The following NUP188 variants were observed in gnomAD, a reference collection of about 807,000 sequenced individuals.
NUP188 encodes the protein nucleoporin 188, also known as nucleoporin NUP188.
A neutral mutation model predicts 223.0 loss-of-function variants in NUP188; 97 were observed. That is an observed-to-expected ratio of 0.43 (90% CI 0.37 to 0.51). The LOEUF (loss-of-function observed/expected upper bound fraction) is 0.51, where lower values mean the gene tolerates loss of function less well. Among genes scored for constraint, NUP188 ranks in the 20% least tolerant of loss-of-function variants. The pLI is 0.00. For synonymous variants in NUP188, 869 were observed against 828.0 expected (o/e 1.05, Z -0.85); for missense variants, 1,947 against 2,175.6 (o/e 0.89, Z 2.09).
chr9:128,987,787 T>C (rs1842359620), intron 23 of NUP188, 70 bp downstream of exon 23: 7 of 1,560,018 alleles, frequency 4.5e-6, no homozygotes, highest in Non-Finnish European at 6.1e-6. Flanking sequence ...AACTCCAGTT[T>C]AAGTTAACTT....
chr9:128,996,163 T>C (rs1374707348), intron 30 of NUP188, among the ~76,000 whole-genome samples: 1 of 152,024 alleles, frequency 6.6e-6, no homozygotes, highest in African/African-American at 2.4e-5. Context: ...TTTTTTTTTT[T>C]TCTTGAGACG....
intron 12 of NUP188, among the ~76,000 whole-genome samples, chr9:128,974,813 C>T (rs1842151847): frequency 6.7e-6 from 1 of 148,442 alleles, no homozygotes; most frequent in Non-Finnish European, 1.5e-5. Flanking sequence ...GTGCAGAATA[C>T]AGTGGCGCGA....
intron 14 of NUP188, among the ~76,000 whole-genome samples, chr9:128,981,005 G>T (rs1275448769): frequency 1.3e-5 from 2 of 152,182 alleles, no homozygotes; most frequent in Non-Finnish European, 2.9e-5. Flanking sequence ...TAAGAGCCAG[G>T]TGGTACAGAG....
Position 128,988,050 on chromosome 9 carries a change from TG to T in NUP188, c.2401del (p.Ala801GlnfsTer10). The T allele has an allele frequency of 6.2e-7, 1 of 1,614,066 alleles. No individual in the cohort carries two copies. The highest frequency in any genetic ancestry group is 8.5e-7 in the Non-Finnish European group (1 of 1,179,962). On this transcript the variant is annotated frameshift_variant, in exon 24 of 44. Transcript: ENST00000372577. LOFTEE classifies it high-confidence loss of function. ...TGGTTTCCATTTGGCACCCTAGTGATGGGGCAGAGGGCCAGGGGCAGGGCCA... is the reference window on the plus strand; with the variant it reads ...TGGTTTCCATTTGGCACCCTAGTGATGGGCAGAGGGCCAGGGGCAGGGCCA... ...MVMAAQPRSD[G>X]AEGQGQGQLL...
chr9:128,982,441 G>A, intron 15 of NUP188, 108 bp from the exon 16 acceptor site: 3 of 1,027,468 alleles, frequency 2.9e-6, no homozygotes, highest in Non-Finnish European at 4.3e-6. Context: ...AAAAAAAAAT[G>A]TCTGTGAGTT....
chr9:129,001,576 C>T lies in NUP188; in HGVS notation c.3891C>T (p.Asp1297=), dbSNP rs757504917. Reference sequence around the variant, plus strand: ...TGGCCAAGGAGCTGTGTGAGGTAGACGAGGATGGTGACTCCTGGCTGCAGG... The same window carrying T: ...TGGCCAAGGAGCTGTGTGAGGTAGATGAGGATGGTGACTCCTGGCTGCAGG... ...LHLAKELCEV[D]EDGDSWLQVT... is the part of the protein sequence containing the mutation. The change falls in exon 35 of 44, where the codon GAC becomes GAT. Residue 1297 remains aspartate, a synonymous_variant. Transcript: ENST00000372577. 35 of 1,613,926 alleles carry T rather than the reference C, an allele frequency of 2.2e-5. No homozygotes were observed. In the East Asian group the frequency reaches 4.7e-4, roughly 22 times the overall value.
rs373084339 is a variant in NUP188, at chr9:128,968,692, A to G, written c.772A>G (p.Met258Val). The G allele has an allele frequency of 4.0e-5, 65 of 1,613,954 alleles. No individual in the cohort carries two copies. The highest frequency in any genetic ancestry group is 5.3e-5 in the African/African-American group (4 of 74,946). ...CAATAGGCACCTGGTGGATGAGACT[A>G]TGGATCCTTTTGTAGATCGGATTGG... Reference protein sequence around the residue: ...QTNRHLVDETMDPFVDRIGYF... With the variant: ...QTNRHLVDETVDPFVDRIGYF... The change falls in exon 9 of 44, where the codon ATG becomes GTG. Residue 258 changes from methionine to valine, a missense_variant. Around this residue, in one of 3 missense-constraint regions of NUP188, gnomAD observed 817 missense variants for 865.8 expected, o/e 0.94. Coordinates refer to ENST00000372577, the MANE Select transcript of NUP188 (RefSeq NM_015354.3).
intron 5 of NUP188, among the ~76,000 whole-genome samples, 172 bp from the exon 6 acceptor site, chr9:128,957,837 AG>A (rs886520506): frequency 1.3e-5 from 2 of 152,166 alleles, no homozygotes; most frequent in Non-Finnish European, 2.9e-5. Flanking sequence ...GGAGAAGGGG[AG>A]GGATTTGAGC....
chr9:128,998,900 A>AGG (rs1401683194), intron 32 of NUP188, among the ~76,000 whole-genome samples: 3 of 132,572 alleles, frequency 2.3e-5, no homozygotes, highest in Non-Finnish European at 4.6e-5. Context: ...TCTGTCGCCC[A>AGG]GGCTGGAGTG....
intron 22 of NUP188, among the ~76,000 whole-genome samples, chr9:128,987,088 AGTGTGTGTGT>A (rs376346210): frequency 0.023 from 2,577 of 113,284 alleles, 96 homozygotes; most frequent in African/African-American, 0.085. Context: ...AGAGAGAGAG[AGTGTGTGTGT>A]GTGTGTGTGT....
chr9:129,005,736 T>C lies in NUP188; in HGVS notation c.4829T>C (p.Leu1610Pro). 1 of 1,614,074 alleles carries C rather than the reference T, an allele frequency of 6.2e-7. No homozygotes were observed. The highest frequency in any genetic ancestry group is 8.5e-7 in the Non-Finnish European group (1 of 1,179,992). Residue 1610 changes from leucine (L) to proline (P), a missense_variant, in exon 41 of 44, where the codon CTT becomes CCT. Leu to Pro is a moderately conservative substitution (Grantham distance 98, BLOSUM62 -3). This residue lies in a region of NUP188 where 905 missense variants were observed against 990.6 expected (regional missense o/e 0.91). Transcript: ENST00000372577. The stretch of plus-strand genomic sequence containing the variant: ...GAAGTGGCCCCCTCCTTCGGGACCC[T>C]TCTGGCCACAGTGAATGTGGCCCTC... ...DSEVAPSFGT[L>P]LATVNVALNM...
intron 2 of NUP188, 42 bp from the exon 3 acceptor site, chr9:128,952,731 A>T (rs1841810371): frequency 6.3e-7 from 1 of 1,582,166 alleles, no homozygotes; most frequent in Non-Finnish European, 8.7e-7. Context: ...TCAAAAAAAA[A>T]AAAAAATACT....
In NUP188 at chr9:129,005,136, G is replaced by C. The variant is rs144956752; in HGVS notation, c.4435-11G>C. ...AAGAGAATCCGCTCATCTCTCCTGT[G>C]TCTCTCCCAGGTCAACCTGGGTTAC... On this transcript the variant is annotated splice_polypyrimidine_tract_variant and intron_variant, in intron 38 of 43. Transcript: ENST00000372577. 170 of 1,610,992 alleles carry C rather than the reference G, an allele frequency of 1.1e-4. 1 individual carries two copies. The East Asian group carries it at 1.5e-3, about 14-fold the overall frequency.
rs771907369 is a variant in NUP188, at chr9:128,982,888, G to A, written c.1670-14G>A. ...GTTGTTTGCCGTGAGGTCACAGGCT[G>A]TCTTTCTTCTCAGATGTGATTCAGC... On this transcript the variant is annotated splice_polypyrimidine_tract_variant and intron_variant, in intron 16 of 43. Coordinates refer to ENST00000372577, the MANE Select transcript of NUP188 (RefSeq NM_015354.3). The A allele has an allele frequency of 1.9e-6, 3 of 1,613,976 alleles. No individual in the cohort carries two copies. The highest frequency in any genetic ancestry group is 4.5e-5 in the East Asian group (2 of 44,904).
intron 31 of NUP188, 88 bp from the exon 32 acceptor site, chr9:128,998,450 G>A: frequency 8.2e-7 from 1 of 1,221,402 alleles, no homozygotes; most frequent in Non-Finnish European, 1.2e-6. Context: ...TCACTGCTGG[G>A]GAAGAAAGGC....
chr9:129,003,116 C>G, intron 37 of NUP188, 141 bp downstream of exon 37: 1 of 1,112,486 alleles, frequency 9.0e-7, no homozygotes, highest in South Asian at 1.6e-5. Flanking sequence ...GCTCTAAGTA[C>G]TCTGCTGGCT....
At chr9:128,949,919 CTT>C (rs35705253) in intron 2 of NUP188, among the ~76,000 whole-genome samples, 1,509 of 81,352 alleles carry the variant, frequency 0.019, 9 homozygotes, top group African/African-American at 0.044. Flanking sequence ...GTGACGGCCA[CTT>C]TTTTTTTTTT....
intron 8 of NUP188, among the ~76,000 whole-genome samples, chr9:128,963,879 C>A (rs924546174): frequency 5.3e-5 from 8 of 151,452 alleles, no homozygotes; most frequent in Non-Finnish European, 8.8e-5. Context: ...TGCAGTGGCA[C>A]GATCTTGGCT....
At chr9:128,991,043 C>T (rs1044410377) in intron 25 of NUP188, among the ~76,000 whole-genome samples, 1 of 151,730 alleles carries the variant, frequency 6.6e-6, no homozygotes, top group Non-Finnish European at 1.5e-5. Flanking sequence ...AAAAGACATG[C>T]TTATTGTAAA....
Sources: allele counts gnomAD v4.1 joint callset (sites outside exome capture counted in the v4.1 genomes callset), GRCh38; gene constraint gnomAD v4.1.1; regional missense constraint gnomAD v4.1.1; transcripts MANE v1.5; gene names NCBI Gene and HGNC (gene_info 2026-07-23, HGNC 2026-07-21).